Variants in CCDC125 observed in about 807,000 individuals in gnomAD.
CCDC125 encodes the protein coiled-coil domain containing 125, also known as coiled-coil domain-containing protein 125.
A neutral mutation model predicts 57.4 loss-of-function variants in CCDC125; 43 were observed. The observed-to-expected ratio is 0.75, with a 90% confidence interval of 0.59 to 0.97. The LOEUF (loss-of-function observed/expected upper bound fraction) is 0.97. Ranked by LOEUF, CCDC125 falls within the 50% of genes least tolerant of loss-of-function variation. The pLI, the probability that CCDC125 is intolerant of heterozygous loss-of-function variation, is 0.00. For synonymous variants in CCDC125, 187 were observed against 195.2 expected (o/e 0.96, Z 0.35); for missense variants, 563 against 595.7 (o/e 0.95, Z 0.57).
chr5:69,323,251 G>A (rs185240269), intron 1 of CCDC125, among the ~76,000 whole-genome samples: 212 of 151,950 alleles, frequency 1.4e-3, no homozygotes, highest in African/African-American at 5.0e-3. Context: ...AGAGGTTGCA[G>A]TAAGCCGAGA....
chr5:69,283,155 C>A, intron 11 of CCDC125, 121 bp from the exon 12 acceptor site: 2 of 696,564 alleles, frequency 2.9e-6, no homozygotes, highest in Non-Finnish European at 4.6e-6. Context: ...CTGATCTGTC[C>A]ATCAGTATGA....
chr5:69,299,303 G>A lies in CCDC125; in HGVS notation c.816+709C>T, dbSNP rs370801249. Among the ~76,000 whole-genome samples, 12 of 152,130 alleles carry A rather than the reference G, an allele frequency of 7.9e-5. No homozygotes were observed. The South Asian group carries it at 2.3e-3, about 29-fold the overall frequency. On this transcript the variant is annotated intron_variant, in intron 8 of 11. Transcript: ENST00000396496. ...TTTTTGTATTTTTAGTAGAGACAGG[G>A]TTTCACCATGTTAGCCAGGATGGTC...
At chr5:69,301,375 T>G (rs746077837) in intron 7 of CCDC125, among the ~76,000 whole-genome samples, 4 of 152,118 alleles carry the variant, frequency 2.6e-5, no homozygotes, top group Non-Finnish European at 4.4e-5. Context: ...GGCTCACACC[T>G]GTAATCCCAG....
chr5:69,284,421 G>A (rs1448174891), intron 11 of CCDC125, among the ~76,000 whole-genome samples: 1 of 152,126 alleles, frequency 6.6e-6, no homozygotes, highest in Non-Finnish European at 1.5e-5. Flanking sequence ...TATAATGTGT[G>A]AGGAAATGCC....
In CCDC125 at chr5:69,299,303, G is replaced by T. The variant is rs370801249; in HGVS notation, c.816+709C>A. 5.4e-4 allele frequency among the ~76,000 whole-genome samples: 82 copies of T among 152,012 alleles called. 1 individual carries two copies. Among genetic ancestry groups the T allele is most frequent in the Non-Finnish European group, 2.6e-4 (18 of 67,986 alleles). ...TTTTTGTATTTTTAGTAGAGACAGG[G>T]TTTCACCATGTTAGCCAGGATGGTC... On this transcript the variant is annotated intron_variant, in intron 8 of 11. Coordinates refer to ENST00000396496, the MANE Select transcript of CCDC125 (RefSeq NM_176816.5).
At chr5:69,300,570 T>C (rs1756230103) in intron 7 of CCDC125, among the ~76,000 whole-genome samples, 1 of 152,136 alleles carries the variant, frequency 6.6e-6, no homozygotes, top group African/African-American at 2.4e-5. Flanking sequence ...AAACCAAACA[T>C]TTAGAGAGGG....
At chr5:69,311,043 G>A (rs1418471253) in intron 4 of CCDC125, 75 bp downstream of exon 4, 5 of 982,554 alleles carry the variant, frequency 5.1e-6, no homozygotes, top group Non-Finnish European at 6.2e-6. Context: ...TTCTGCCTTG[G>A]TTTTAAAAGT....
chr5:69,297,234 T>G (rs1755498318), intron 8 of CCDC125, among the ~76,000 whole-genome samples: 1 of 151,766 alleles, frequency 6.6e-6, no homozygotes, highest in South Asian at 2.1e-4. Context: ...AGAGATGGGG[T>G]TTCACCATGG....
intron 3 of CCDC125, among the ~76,000 whole-genome samples, chr5:69,312,356 G>T (rs1056746583): frequency 2.0e-5 from 3 of 152,176 alleles, no homozygotes; most frequent in Admixed American, 2.0e-4. Flanking sequence ...AAAGCAAACA[G>T]ATTTCTGCTG....
chr5:69,273,091 C>A, the CCDC125 span: 11 of 1,204,978 alleles, frequency 9.1e-6, no homozygotes, highest in Admixed American at 1.7e-4. Context: ...ATAATCTTAA[C>A]TGTAGCATTG....
intron 1 of CCDC125, among the ~76,000 whole-genome samples, chr5:69,321,997 C>T (rs1760097100): frequency 6.6e-6 from 1 of 151,634 alleles, no homozygotes; most frequent in African/African-American, 2.4e-5. Context: ...CCACCATGCC[C>T]GGCTAATTTT....
At chr5:69,307,238 C>T (rs1757449931) in intron 5 of CCDC125, among the ~76,000 whole-genome samples, 1 of 151,996 alleles carries the variant, frequency 6.6e-6, no homozygotes, top group African/African-American at 2.4e-5. Flanking sequence ...AATCTTAACT[C>T]AATGGTCCCA....
intron 6 of CCDC125, among the ~76,000 whole-genome samples, chr5:69,304,704 C>T (rs966883560): frequency 2.0e-5 from 3 of 152,066 alleles, no homozygotes; most frequent in Admixed American, 6.6e-5. Context: ...GGATTACAGG[C>T]GTGAGCCACT....
At chr5:69,306,954 T>G in intron 5 of CCDC125, 52 bp from the exon 6 acceptor site, 3 of 1,396,730 alleles carry the variant, frequency 2.1e-6, no homozygotes, top group Non-Finnish European at 2.8e-6. Flanking sequence ...ATAAATCATT[T>G]CAGGACATTG....
downstream of CCDC125, chr5:69,276,816 A>G: frequency 1.2e-6 from 1 of 862,102 alleles, no homozygotes; most frequent in Non-Finnish European, 1.8e-6. Flanking sequence ...TATAAATTTA[A>G]TTGTATAAAG....
At chr5:69,291,417 C>G (rs912603854) in intron 10 of CCDC125, among the ~76,000 whole-genome samples, 1 of 151,546 alleles carries the variant, frequency 6.6e-6, no homozygotes, top group Non-Finnish European at 1.5e-5. Flanking sequence ...TGCAGTGGCG[C>G]GATCTCAGCT....
At chr5:69,322,581 T>C (rs1449875684) in intron 1 of CCDC125, among the ~76,000 whole-genome samples, 2 of 151,750 alleles carry the variant, frequency 1.3e-5, no homozygotes, top group African/African-American at 2.4e-5. Context: ...TTTTTTTTTT[T>C]TGAGACAGTC....
intron 10 of CCDC125, among the ~76,000 whole-genome samples, chr5:69,286,213 T>C (rs1207887494): frequency 2.5e-5 from 3 of 122,430 alleles, no homozygotes; most frequent in Non-Finnish European, 3.4e-5. Context: ...TATATATATA[T>C]ATATATATAT....
intron 11 of CCDC125, 140 bp downstream of exon 11, chr5:69,285,197 A>G (rs1324182824): frequency 1.6e-6 from 1 of 609,018 alleles, no homozygotes; most frequent in African/African-American, 2.0e-5. Flanking sequence ...TATCAAAAAG[A>G]TCTCATAATG....
Sources: allele counts gnomAD v4.1 joint callset (sites outside exome capture counted in the v4.1 genomes callset), GRCh38; gene constraint gnomAD v4.1.1; transcripts MANE v1.5; gene names NCBI Gene and HGNC (gene_info 2026-07-23, HGNC 2026-07-21).